Variants in NLGN1 observed in about 807,000 individuals in gnomAD.
NLGN1 encodes the protein neuroligin-1.
In NLGN1, 12 loss-of-function variants were observed where a neutral mutation model predicts 65.5. The ratio of observed to expected loss-of-function variants is 0.18; its 90% CI spans 0.12 to 0.30. The LOEUF (loss-of-function observed/expected upper bound fraction) is 0.30. NLGN1 is among the 10% of genes least tolerant of loss of function. The probability of loss-of-function intolerance (pLI) is 1.00; values close to 1 mark genes in which losing one functional copy is unlikely to be tolerated. For synonymous variants in NLGN1, 350 were observed against 359.5 expected (o/e 0.97, Z 0.30); for missense variants, 750 against 1,007.1 (o/e 0.74, Z 3.46).
At chr3:174,180,238 T>A (rs1163873920) in intron 4 of NLGN1, among the ~76,000 whole-genome samples, 2 of 152,140 alleles carry the variant, frequency 1.3e-5, no homozygotes, top group Admixed American at 6.5e-5. Flanking sequence ...GACACAGATA[T>A]CACCTTCAAT....
chr3:173,974,379 C>A (rs1716959610), intron 4 of NLGN1, among the ~76,000 whole-genome samples: 1 of 151,942 alleles, frequency 6.6e-6, no homozygotes, highest in African/African-American at 2.4e-5. Flanking sequence ...TTTACTTTTA[C>A]TTAAATAAGT....
intron 3 of NLGN1, among the ~76,000 whole-genome samples, chr3:173,780,005 G>A (rs1033409745): frequency 6.6e-6 from 1 of 151,994 alleles, no homozygotes; most frequent in African/African-American, 2.4e-5. Context: ...TACCTACAAG[G>A]TCTGTGAGTC....
intron 1 of NLGN1, among the ~76,000 whole-genome samples, chr3:173,415,284 A>G (rs983634763): frequency 3.3e-5 from 5 of 152,204 alleles, no homozygotes; most frequent in African/African-American, 9.6e-5. Flanking sequence ...AGCTCCTATT[A>G]TATAGGGATT....
intron 4 of NLGN1, among the ~76,000 whole-genome samples, chr3:174,269,998 G>A (rs1415563930): frequency 6.6e-6 from 1 of 151,466 alleles, no homozygotes; most frequent in Non-Finnish European, 1.5e-5. Flanking sequence ...TAAGTGCTTT[G>A]CCCATTTTTT....
intron 3 of NLGN1, among the ~76,000 whole-genome samples, chr3:173,645,927 C>G (rs1009482442): frequency 6.6e-6 from 1 of 152,196 alleles, no homozygotes; most frequent in Non-Finnish European, 1.5e-5. Context: ...GCTCCTTAAA[C>G]AGTCTGAACC....
intron 4 of NLGN1, among the ~76,000 whole-genome samples, chr3:173,878,958 A>T (rs1732709010): frequency 6.6e-6 from 1 of 151,852 alleles, no homozygotes; most frequent in African/African-American, 2.4e-5. Context: ...GAGGCTGGGC[A>T]TGGTGACTTA....
chr3:173,605,237 C>T, intron 3 of NLGN1, 146 bp downstream of exon 2: 3 of 679,064 alleles, frequency 4.4e-6, no homozygotes, highest in Non-Finnish European at 7.2e-6. Context: ...GCATGGTGCT[C>T]TTTTTGTTTA....
At chr3:174,135,567 G>A (rs1721057986) in intron 4 of NLGN1, among the ~76,000 whole-genome samples, 1 of 152,076 alleles carries the variant, frequency 6.6e-6, no homozygotes, top group African/African-American at 2.4e-5. Flanking sequence ...GGTTTGAAGT[G>A]CTAACAGTTT....
At chr3:174,082,658 T>G (rs1742476121) in intron 4 of NLGN1, among the ~76,000 whole-genome samples, 1 of 152,004 alleles carries the variant, frequency 6.6e-6, no homozygotes, top group Admixed American at 6.6e-5. Flanking sequence ...ACATTTTTAA[T>G]AAGAAAATAT....
At chr3:174,241,832 G>A (rs113826899) in intron 4 of NLGN1, among the ~76,000 whole-genome samples, 4,082 of 151,964 alleles carry the variant, frequency 0.027, 183 homozygotes, top group African/African-American at 0.093. Context: ...ATAATTTTTT[G>A]TATTTTTAGT....
chr3:174,029,774 T>C (rs186067645), intron 4 of NLGN1, among the ~76,000 whole-genome samples: 8 of 152,252 alleles, frequency 5.3e-5, no homozygotes, highest in South Asian at 2.1e-4. Context: ...GCTGTTCTCA[T>C]AGTAGTGAAT....
intron 2 of NLGN1, among the ~76,000 whole-genome samples, chr3:173,524,537 A>C (rs1735315058): frequency 6.6e-6 from 1 of 152,148 alleles, no homozygotes. Flanking sequence ...TCTCTTTTCT[A>C]ATCAGGATGT....
At chr3:173,730,735 T>C (rs143661633) in intron 3 of NLGN1, among the ~76,000 whole-genome samples, 32 of 152,216 alleles carry the variant, frequency 2.1e-4, no homozygotes, top group African/African-American at 7.7e-4. Flanking sequence ...AATAGGCAAA[T>C]TGTTTTCTCA....
At chr3:173,876,362 G>T (rs959144927) in intron 4 of NLGN1, among the ~76,000 whole-genome samples, 1 of 152,036 alleles carries the variant, frequency 6.6e-6, no homozygotes, top group Non-Finnish European at 1.5e-5. Flanking sequence ...TAAAAATTTA[G>T]CAAGATTTAA....
chr3:174,270,840 A>C (rs901417973), intron 4 of NLGN1, among the ~76,000 whole-genome samples: 4 of 151,864 alleles, frequency 2.6e-5, no homozygotes, highest in African/African-American at 9.7e-5. Context: ...TACCTGGAAG[A>C]ATTCAAGGTT....
intron 4 of NLGN1, among the ~76,000 whole-genome samples, chr3:173,931,318 G>A (rs142978521): frequency 2.3e-4 from 35 of 152,240 alleles, no homozygotes; most frequent in African/African-American, 8.2e-4. Flanking sequence ...GTTAGTGGGT[G>A]AGAAGTGCTT....
rs911041197 is a variant in NLGN1 at position 174,119,301 on chromosome 3, A to G, written c.647-156014A>G. ...TTAACATGATAAATAAAATCTTTAT[A>G]TGTAATGTATTTTCTACAATTTGTT... On this transcript the variant is annotated intron_variant, in intron 4 of 6. Coordinates refer to ENST00000457714, the Ensembl canonical transcript of NLGN1. Among the ~76,000 whole-genome samples, 5 of 152,150 alleles carry G rather than the reference A, an allele frequency of 3.3e-5. No individual in the cohort carries two copies. In the East Asian group the frequency reaches 5.8e-4, roughly 18 times the overall value.
intron 1 of NLGN1, among the ~76,000 whole-genome samples, chr3:173,414,305 A>G (rs540944432): frequency 6.6e-6 from 1 of 152,322 alleles, no homozygotes; most frequent in East Asian, 1.9e-4. Context: ...GTATACAAAA[A>G]GATGGGAAAG....
At chr3:173,842,818 C>T (rs924558720) in intron 4 of NLGN1, among the ~76,000 whole-genome samples, 3 of 152,164 alleles carry the variant, frequency 2.0e-5, no homozygotes, top group African/African-American at 4.8e-5. Context: ...GTCAGTGGAT[C>T]TACTATTCTG....
Sources: gnomAD v4.1 joint callset for allele counts (sites outside exome capture counted in the v4.1 genomes callset) on GRCh38, gnomAD v4.1.1 for gene constraint, MANE v1.5 for transcripts, NCBI Gene and HGNC (gene_info 2026-07-23, HGNC 2026-07-21) for gene names.